Variants in SH3RF1 observed in about 807,000 individuals in gnomAD.
SH3RF1 encodes E3 ubiquitin-protein ligase SH3RF1.
In SH3RF1, 32 loss-of-function variants were observed where a neutral mutation model predicts 74.0. The ratio of observed to expected loss-of-function variants is 0.43; its 90% CI spans 0.33 to 0.58. The LOEUF (loss-of-function observed/expected upper bound fraction) is 0.58, where lower values mean the gene tolerates loss of function less well. Ranked by LOEUF, SH3RF1 falls within the 20% of genes least tolerant of loss-of-function variation. SH3RF1 has a pLI of 0.05. For synonymous variants in SH3RF1, 396 were observed against 439.6 expected (o/e 0.90, Z 1.24); for missense variants, 954 against 1,130.9 (o/e 0.84, Z 2.24).
chr4:169,159,010 G>A (rs761706442), intron 2 of SH3RF1, among the ~76,000 whole-genome samples: 1 of 152,130 alleles, frequency 6.6e-6, no homozygotes, highest in Admixed American at 6.5e-5. Flanking sequence ...GGGAAGACAG[G>A]GGTTGAGCCT....
intron 2 of SH3RF1, chr4:169,166,541 GT>G: frequency 5.1e-6 from 1 of 197,668 alleles, no homozygotes. Context: ...TCTTGCAACT[GT>G]TACAAAACCA....
At chr4:169,197,919 CTGT>C (rs949738497) in intron 2 of SH3RF1, among the ~76,000 whole-genome samples, 1 of 152,144 alleles carries the variant, frequency 6.6e-6, no homozygotes, top group Admixed American at 6.5e-5. Context: ...AAAGTTTCAA[CTGT>C]TTTCTTTGCT....
intron 2 of SH3RF1, among the ~76,000 whole-genome samples, chr4:169,209,289 A>G (rs1730319143): frequency 7.0e-6 from 1 of 143,600 alleles, no homozygotes; most frequent in Non-Finnish European, 1.5e-5. Flanking sequence ...ACCCTGTCCG[A>G]AAAAAAAAAA....
chr4:169,262,765 G>T (rs1037818631), intron 2 of SH3RF1, among the ~76,000 whole-genome samples: 1 of 152,108 alleles, frequency 6.6e-6, no homozygotes, highest in African/African-American at 2.4e-5. Context: ...ATATAAAAAA[G>T]AATCATTACT....
At chr4:169,205,258 CA>C (rs1730235448) in intron 2 of SH3RF1, among the ~76,000 whole-genome samples, 2 of 152,168 alleles carry the variant, frequency 1.3e-5, no homozygotes, top group Admixed American at 6.5e-5. Context: ...AGCTTTTTTG[CA>C]TATGCTTTTT....
chr4:169,143,107 T>C (rs1733813055), intron 4 of SH3RF1, among the ~76,000 whole-genome samples: 1 of 152,190 alleles, frequency 6.6e-6, no homozygotes, highest in South Asian at 2.1e-4. Flanking sequence ...ATAAAAATGT[T>C]TGTCTCTTAG....
At chr4:169,237,775 A>C (rs1179054170) in intron 2 of SH3RF1, among the ~76,000 whole-genome samples, 1 of 152,200 alleles carries the variant, frequency 6.6e-6, no homozygotes, top group Non-Finnish European at 1.5e-5. Context: ...GACTGAAAAG[A>C]GTATACCCTA....
intron 2 of SH3RF1, among the ~76,000 whole-genome samples, chr4:169,240,162 C>T (rs1730883303): frequency 6.6e-6 from 1 of 152,090 alleles, no homozygotes; most frequent in African/African-American, 2.4e-5. Flanking sequence ...TAAAACTTCT[C>T]AAGGGGTATT....
At chr4:169,160,158 T>C (rs893833372) in intron 2 of SH3RF1, among the ~76,000 whole-genome samples, 5 of 152,214 alleles carry the variant, frequency 3.3e-5, no homozygotes, top group African/African-American at 1.2e-4. Context: ...TCCAAATCCA[T>C]GCCAGCCAAA....
chr4:169,256,244 AAGGGAGGGAGGC>A (rs1243331982), intron 2 of SH3RF1, among the ~76,000 whole-genome samples: 1 of 151,600 alleles, frequency 6.6e-6, no homozygotes, highest in Non-Finnish European at 1.5e-5. Flanking sequence ...AGAAGGAAGA[AAGGGAGGGAGGC>A]AGGGAGGGAG....
In SH3RF1 at chr4:169,211,524, C is replaced by T. The variant is rs74544450; in HGVS notation, c.394-54845G>A. ...AAGAAGAAGAAACTAAATCAAAGAA[C>T]GCCAAGCTACCACCTCTCCCTGGAG... On this transcript the variant is annotated intron_variant, in intron 2 of 11. Coordinates refer to ENST00000284637, the MANE Select transcript of SH3RF1 (RefSeq NM_020870.4). Among the ~76,000 whole-genome samples the T allele has an allele frequency of 4.1e-3, 607 of 149,248 alleles. 2 individuals are homozygous for T. The highest frequency in any genetic ancestry group is 0.013 in the African/African-American group (513 of 40,732).
intron 2 of SH3RF1, among the ~76,000 whole-genome samples, chr4:169,252,722 G>GAAT (rs1731126290): frequency 2.0e-5 from 3 of 152,208 alleles, no homozygotes; most frequent in African/African-American, 7.2e-5. Context: ...CAGGGACAGA[G>GAAT]AATAAATACG....
chr4:169,210,912 C>T (rs906626999), intron 2 of SH3RF1, among the ~76,000 whole-genome samples: 4 of 152,170 alleles, frequency 2.6e-5, no homozygotes, highest in Non-Finnish European at 5.9e-5. Flanking sequence ...AGGGACTTCC[C>T]GATTTGCAAA....
chr4:169,135,839 T>C (rs1382706532), intron 5 of SH3RF1, among the ~76,000 whole-genome samples: 1 of 152,240 alleles, frequency 6.6e-6, no homozygotes, highest in Admixed American at 6.5e-5. Context: ...TTAAATTAAA[T>C]GCTTCTTTCT....
chr4:169,103,261 A>G (rs1053248331), intron 11 of SH3RF1, among the ~76,000 whole-genome samples: 4 of 151,740 alleles, frequency 2.6e-5, no homozygotes, highest in Admixed American at 2.6e-4. Context: ...GATGTATGAG[A>G]TAGGGTCATG....
At chr4:169,143,525 T>G (rs979643343) in intron 4 of SH3RF1, among the ~76,000 whole-genome samples, 1 of 152,242 alleles carries the variant, frequency 6.6e-6, no homozygotes, top group Admixed American at 6.5e-5. Flanking sequence ...CCGAGGCTCA[T>G]TAAGCACAAA....
intron 2 of SH3RF1, among the ~76,000 whole-genome samples, chr4:169,199,239 T>C (rs1254778800): frequency 1.3e-5 from 2 of 152,212 alleles, no homozygotes; most frequent in Non-Finnish European, 2.9e-5. Context: ...AAGGTACCCA[T>C]AAACTAATAA....
At chr4:169,153,964 A>G (rs1265625953) in intron 4 of SH3RF1, among the ~76,000 whole-genome samples, 1 of 152,220 alleles carries the variant, frequency 6.6e-6, no homozygotes, top group Non-Finnish European at 1.5e-5. Flanking sequence ...TCGCCCAATA[A>G]CAAAAATATA....
intron 2 of SH3RF1, among the ~76,000 whole-genome samples, chr4:169,215,950 C>T (rs1454086444): frequency 6.6e-6 from 1 of 152,038 alleles, no homozygotes; most frequent in Non-Finnish European, 1.5e-5. Context: ...ACCACTGGCA[C>T]ACACCACCAT....
Sources: gnomAD v4.1 joint callset for allele counts (sites outside exome capture counted in the v4.1 genomes callset) on GRCh38, gnomAD v4.1.1 for gene constraint, MANE v1.5 for transcripts, NCBI Gene and HGNC (gene_info 2026-07-23, HGNC 2026-07-21) for gene names.